Variants in AGAP1 observed in about 807,000 individuals in gnomAD.
AGAP1 encodes arf-GAP with GTPase, ANK repeat and PH domain-containing protein 1.
A neutral mutation model predicts 105.3 loss-of-function variants in AGAP1; 29 were observed. The observed-to-expected ratio is 0.28, with a 90% CI of 0.21 to 0.38. AGAP1 has a LOEUF of 0.38. Ranked by LOEUF, AGAP1 falls within the 10% of genes least tolerant of loss-of-function variation. The pLI, the probability that AGAP1 is intolerant of heterozygous loss-of-function variation, is 1.00. For synonymous variants in AGAP1, 509 were observed against 485.9 expected, an observed-to-expected ratio of 1.05 and a Z score of -0.63; for missense variants, 998 against 1,165.1, an observed-to-expected ratio of 0.86 and a Z score of 2.09.
At chr2:236,010,125 A>C (rs961102169) in intron 13 of AGAP1, among the ~76,000 whole-genome samples, 2 of 152,050 alleles carry the variant, frequency 1.3e-5, no homozygotes, top group African/African-American at 2.4e-5. Flanking sequence ...TAAAAAAAAA[A>C]AAAACAAAAA....
Position 235,556,214 on chromosome 2 carries a change from T to G in AGAP1, c.163+61365T>G, listed in dbSNP as rs1482013168. ...TCCTCAGAGCTGCCCCCTCATGCCT[T>G]GGCCAATCACAGAGCACCCTTTCTG... On this transcript the variant is annotated intron_variant, in intron 1 of 17. Transcript: ENST00000304032. The surrounding 1 kb of genome is among the most constrained non-coding windows in gnomAD (Gnocchi z 5.3). 3.9e-5 allele frequency among the ~76,000 whole-genome samples: 6 copies of G among 152,338 alleles called. No homozygotes were observed. The East Asian group carries it at 1.2e-3, about 29-fold the overall frequency.
intron 1 of AGAP1, among the ~76,000 whole-genome samples, chr2:235,686,586 CACGT>C (rs1390921018): frequency 2.3e-5 from 3 of 129,272 alleles, no homozygotes; most frequent in Admixed American, 8.0e-5. Flanking sequence ...CACACACACA[CACGT>C]GTGTGTGTAT....
chr2:235,745,307 G>A (rs965612040), intron 5 of AGAP1, among the ~76,000 whole-genome samples: 3 of 152,134 alleles, frequency 2.0e-5, no homozygotes, highest in African/African-American at 4.8e-5. Context: ...GTTTGTCACC[G>A]TCTTATGATC....
chr2:235,717,433 C>A, intron 2 of AGAP1, 124 bp from the exon 3 acceptor site: 3 of 684,080 alleles, frequency 4.4e-6, no homozygotes, highest in Admixed American at 3.7e-5. Flanking sequence ...TTGTTTTTGG[C>A]CATCCAGCCA....
At chr2:235,808,208 C>T (rs1160554087) in intron 9 of AGAP1, among the ~76,000 whole-genome samples, 1 of 152,226 alleles carries the variant, frequency 6.6e-6, no homozygotes, top group African/African-American at 2.4e-5. Context: ...GAGCAGAAGC[C>T]TCTGTGGGCA....
At chr2:235,644,607 A>C (rs1286318211) in intron 1 of AGAP1, among the ~76,000 whole-genome samples, 1 of 152,182 alleles carries the variant, frequency 6.6e-6, no homozygotes, top group African/African-American at 2.4e-5. Context: ...CTGTTGGGCT[A>C]GCATGAGGAA....
chr2:235,661,779 G>T (rs1177747038), intron 1 of AGAP1, among the ~76,000 whole-genome samples: 3 of 152,200 alleles, frequency 2.0e-5, no homozygotes, highest in African/African-American at 7.2e-5. Flanking sequence ...GCCCAGGGGG[G>T]TCTTACAGGA....
chr2:235,954,351 AAG>A (rs1489623907), intron 12 of AGAP1, among the ~76,000 whole-genome samples: 1 of 151,922 alleles, frequency 6.6e-6, no homozygotes, highest in Admixed American at 6.6e-5. Flanking sequence ...GGGAGCTGGG[AAG>A]AGAGGCTGCC....
At chr2:235,519,494 G>T (rs1176030784) in intron 1 of AGAP1, among the ~76,000 whole-genome samples, 1 of 152,104 alleles carries the variant, frequency 6.6e-6, no homozygotes, top group Non-Finnish European at 1.5e-5. Context: ...CACCTCTCTG[G>T]AAGAAGGTGT....
chr2:235,785,066 C>G (rs1956538686), intron 6 of AGAP1, among the ~76,000 whole-genome samples: 1 of 152,214 alleles, frequency 6.6e-6, no homozygotes, highest in South Asian at 2.1e-4. Context: ...TCATTATTAA[C>G]AGAGCAGGGA....
Position 235,550,552 on chromosome 2 carries a change from T to G in AGAP1, c.163+55703T>G, listed in dbSNP as rs757123335. 6.6e-6 allele frequency among the ~76,000 whole-genome samples: 1 copy of G among 152,052 alleles called. No individual in the cohort carries two copies. The highest frequency in any genetic ancestry group is 1.5e-5 in the Non-Finnish European group (1 of 68,002). ...CCACCCCACACCTGCGACTCCAGAC[T>G]CAGAGTTGATGAGGGTCTGCAGGCG... is the stretch of plus-strand genomic sequence containing the variant. On this transcript the variant is annotated intron_variant, in intron 1 of 17. Transcript: ENST00000304032. The surrounding 1 kb of genome is among the most constrained non-coding windows in gnomAD (Gnocchi z 4.6).
At chr2:235,576,815 A>G (rs374389534) in intron 1 of AGAP1, among the ~76,000 whole-genome samples, 3 of 152,272 alleles carry the variant, frequency 2.0e-5, no homozygotes, top group East Asian at 1.9e-4. Flanking sequence ...TCTTCCCGTG[A>G]CTGTTCTTCC....
At position 235,887,323 on chromosome 2, in the gene AGAP1, T is replaced by C. The variant is rs1035998458; in HGVS notation, c.1155+3874T>C. The stretch of plus-strand genomic sequence containing the variant: ...GTCATTATTGTTGCTCCTAACTCTA[T>C]TACTGACCACAGCGTGAAGTGGGGC... On this transcript the variant is annotated intron_variant, in intron 10 of 17. Transcript: ENST00000304032. The surrounding 1 kb of genome is among the most constrained non-coding windows in gnomAD (Gnocchi z 4.1). Among the ~76,000 whole-genome samples the C allele has an allele frequency of 2.6e-5, 4 of 152,190 alleles. No individual in the cohort carries two copies. Among genetic ancestry groups the C allele is most frequent in the African/African-American group, 9.7e-5 (4 of 41,450 alleles).
At chr2:235,852,677 T>G (rs1293269044) in intron 9 of AGAP1, 2 of 1,445,448 alleles carry the variant, frequency 1.4e-6, no homozygotes. Context: ...ATCTCCTTTC[T>G]CTCCCCAGGG....
chr2:235,984,575 T>C (rs1575969522), intron 13 of AGAP1, among the ~76,000 whole-genome samples: 2 of 151,790 alleles, frequency 1.3e-5, no homozygotes, highest in African/African-American at 4.8e-5. Flanking sequence ...GCGGCACCTA[T>C]TGACCCATTT....
chr2:235,614,775 G>GT lies in AGAP1; in HGVS notation c.164-94402dup, dbSNP rs1946255686. ...TCTTTTGTGGGAAATAGAACACAGC[G>GT]TTGGGTACCAAGAGGGTGCTGTCTT... On this transcript the variant is annotated intron_variant, in intron 1 of 17. Coordinates refer to ENST00000304032, the MANE Select transcript of AGAP1 (RefSeq NM_001037131.3). The surrounding 1 kb of genome is among the most constrained non-coding windows in gnomAD (Gnocchi z 4.7). 6.6e-6 allele frequency among the ~76,000 whole-genome samples: 1 copy of GT among 152,202 alleles called. No homozygotes were observed. Among genetic ancestry groups the GT allele is most frequent in the Non-Finnish European group, 1.5e-5 (1 of 68,032 alleles).
Position 235,705,026 on chromosome 2 carries a change from T to A in AGAP1, c.164-4153T>A, listed in dbSNP as rs572982618. ...CAGAGTCTCACTCTGTTGCCCAGGCTGGAGTGCAATGGTGGGATCTCGGCT... is the reference window on the plus strand; with the variant it reads ...CAGAGTCTCACTCTGTTGCCCAGGCAGGAGTGCAATGGTGGGATCTCGGCT... On this transcript the variant is annotated intron_variant, in intron 1 of 17. Coordinates refer to ENST00000304032, the MANE Select transcript of AGAP1 (RefSeq NM_001037131.3). This position sits in a 1 kb window ranked among gnomAD's most constrained non-coding sequence, Gnocchi z 4.9. Among the ~76,000 whole-genome samples, 33 of 133,204 alleles carry A rather than the reference T, an allele frequency of 2.5e-4. 1 individual carries two copies. The South Asian group carries it at 9.2e-3, about 37-fold the overall frequency. 87.4% of individuals were successfully genotyped at this position (133,204 alleles called of 152,430 possible). A position where few individuals can be genotyped will look rare whatever the true frequency, so the allele number is the denominator to read the frequency against.
At chr2:235,597,392 C>G (rs1945560899) in intron 1 of AGAP1, among the ~76,000 whole-genome samples, 2 of 152,192 alleles carry the variant, frequency 1.3e-5, no homozygotes, top group Admixed American at 1.3e-4. Flanking sequence ...AGGCCTTGGC[C>G]CCTCCAGGGC....
In AGAP1 at chr2:236,027,818, C is replaced by T. The variant is rs974497779; in HGVS notation, c.1646-8743C>T. 2.6e-5 allele frequency among the ~76,000 whole-genome samples: 4 copies of T among 152,096 alleles called. No individual in the cohort carries two copies. The highest frequency in any genetic ancestry group is 5.9e-5 in the Non-Finnish European group (4 of 68,020). On this transcript the variant is annotated intron_variant, in intron 13 of 17. Coordinates refer to ENST00000304032, the MANE Select transcript of AGAP1 (RefSeq NM_001037131.3). This position sits in a 1 kb window ranked among gnomAD's most constrained non-coding sequence, Gnocchi z 4.4. ...CTGCTACTCACAGGGAAAAGCGTGG[C>T]GTTTAGACCTGCCCTGTGATCACAG...
Sources: gnomAD v4.1 joint callset for allele counts (sites outside exome capture counted in the v4.1 genomes callset) on GRCh38, gnomAD v4.1.1 for gene constraint, Gnocchi (gnomAD v3.1) non-coding constraint, MANE v1.5 for transcripts, NCBI Gene and HGNC (gene_info 2026-07-23, HGNC 2026-07-21) for gene names.